The following BCL2L13 variants were observed in gnomAD, a reference collection of about 807,000 sequenced individuals.
BCL2L13 encodes the protein BCL2 like 13, also known as bcl-2-like protein 13.
Under a neutral mutation model 25.8 loss-of-function variants are expected in BCL2L13, and 13 were observed. The observed-to-expected ratio is 0.50, with a 90% CI of 0.33 to 0.80. The LOEUF is 0.80. BCL2L13 is among the 30% of genes least tolerant of loss of function. The pLI, the probability that BCL2L13 is intolerant of heterozygous loss-of-function variation, is 0.02. For missense variants in BCL2L13, 504 were observed against 574.9 expected (o/e 0.88, Z 1.26); for synonymous variants, 244 against 230.3 (o/e 1.06, Z -0.54).
chr22:17,654,167 G>A (rs1456788151), intron 1 of BCL2L13, among the ~76,000 whole-genome samples: 3 of 152,076 alleles, frequency 2.0e-5, no homozygotes, highest in Admixed American at 6.6e-5. Flanking sequence ...GTGCAGTGGC[G>A]TGATCATGGC....
Position 17,652,917 on chromosome 22 carries a change from T to G in BCL2L13, c.-50-2745T>G, listed in dbSNP as rs376114032. 9.2e-5 allele frequency among the ~76,000 whole-genome samples: 14 copies of G among 151,962 alleles called. No individual in the cohort carries two copies. The East Asian group carries it at 2.5e-3, about 28-fold the overall frequency. On this transcript the variant is annotated intron_variant, in intron 1 of 6. Coordinates refer to ENST00000317582, the MANE Select transcript of BCL2L13 (RefSeq NM_015367.4). Reference sequence around the variant, plus strand: ...GTCTCTACTAAAAAATACAAAAAATTAGCCGGGCGTGGTGGCGGGCACCTG... The same window carrying G: ...GTCTCTACTAAAAAATACAAAAAATGAGCCGGGCGTGGTGGCGGGCACCTG...
intron 6 of BCL2L13, among the ~76,000 whole-genome samples, chr22:17,713,469 T>TC (rs2145771907): frequency 6.6e-6 from 1 of 150,784 alleles, no homozygotes; most frequent in East Asian, 2.0e-4. Context: ...CATTTTTTTT[T>TC]TTTTTTTTTG....
Position 17,685,748 on chromosome 22 carries a change from T to TTTTTTC in BCL2L13, c.229+2439_229+2444dup, listed in dbSNP as rs1431770944. ...TGTGTGGACATATATTGCCCAATAA[T>TTTTTTC]TTTTTCTTTTTCTTTTTTTTTTTTT... On this transcript the variant is annotated intron_variant, in intron 3 of 6. Transcript: ENST00000317582. 8.7e-3 allele frequency among the ~76,000 whole-genome samples: 1,197 copies of TTTTTTC among 138,362 alleles called. 25 individuals carry two copies. The highest frequency in any genetic ancestry group is 0.015 in the African/African-American group (556 of 36,518). The allele number at this position is 138,362 out of a possible 152,430, so 90.8% of individuals were successfully genotyped here.
chr22:17,727,132 C>T lies in BCL2L13; in HGVS notation c.1056C>T (p.Thr352=), dbSNP rs2061321062. ...PAPLLPHITA[T]SLLGTREPDT... ...CCTTGCTTCCACATATCACTGCCAC[C>T]TCCCTGCTGGGGACAAGGGAACCTG... is the stretch of plus-strand genomic sequence containing the variant. The change falls in exon 7 of 7, where the codon ACC becomes ACT. Residue 352 remains threonine, a synonymous_variant. Coordinates refer to ENST00000317582, the MANE Select transcript of BCL2L13 (RefSeq NM_015367.4). 1.2e-6 allele frequency: 2 copies of T among 1,614,138 alleles called. No individual in the cohort carries two copies. Among genetic ancestry groups the T allele is most frequent in the African/African-American group, 2.7e-5 (2 of 74,944 alleles).
intron 2 of BCL2L13, among the ~76,000 whole-genome samples, chr22:17,673,909 A>G (rs890434479): frequency 1.3e-5 from 2 of 152,154 alleles, no homozygotes; most frequent in African/African-American, 2.4e-5. Context: ...TCATCTGTAC[A>G]TATAAATCTT....
At chr22:17,637,068 T>G (rs1253677614), upstream of BCL2L13, among the ~76,000 whole-genome samples, 1 of 149,992 alleles carries the variant, frequency 6.7e-6, no homozygotes, top group Admixed American at 6.6e-5. Flanking sequence ...AGGTCAGGAG[T>G]AGGAGACTAG....
chr22:17,635,738 C>A (rs929409458), upstream of BCL2L13, among the ~76,000 whole-genome samples: 1 of 151,548 alleles, frequency 6.6e-6, no homozygotes, highest in Non-Finnish European at 1.5e-5. Context: ...TAGACAGAGT[C>A]TCACTCTGTC....
At chr22:17,712,132 A>T (rs2060781377) in intron 6 of BCL2L13, among the ~76,000 whole-genome samples, 1 of 152,010 alleles carries the variant, frequency 6.6e-6, no homozygotes. Flanking sequence ...TATTTTTCGT[A>T]ACTCTGAAAT....
At chr22:17,697,376 T>C (rs1430181562) in intron 5 of BCL2L13, among the ~76,000 whole-genome samples, 6 of 152,052 alleles carry the variant, frequency 3.9e-5, no homozygotes. Context: ...AGTTGGAGGT[T>C]GTGGTGAGCC....
chr22:17,699,298 A>G (rs533478937), intron 5 of BCL2L13, among the ~76,000 whole-genome samples: 1 of 152,340 alleles, frequency 6.6e-6, no homozygotes, highest in Non-Finnish European at 1.5e-5. Context: ...AGAGCAAAAT[A>G]TGTCACTGTT....
At chr22:17,718,676 G>T (rs1449583906) in intron 6 of BCL2L13, among the ~76,000 whole-genome samples, 1 of 152,174 alleles carries the variant, frequency 6.6e-6, no homozygotes, top group African/African-American at 2.4e-5. Flanking sequence ...TCCATATGAG[G>T]AATGGCACTA....
In BCL2L13 at chr22:17,724,499, G is replaced by A. The variant is rs145023346; in HGVS notation, c.601-2178G>A. Reference sequence around the variant, plus strand: ...TAGAACATCCTTGATGCTTACCAGGGCCTCTGAAGTGGCTGGAGCAAGGGT... The same window carrying A: ...TAGAACATCCTTGATGCTTACCAGGACCTCTGAAGTGGCTGGAGCAAGGGT... On this transcript the variant is annotated intron_variant, in intron 6 of 6. Coordinates refer to ENST00000317582, the MANE Select transcript of BCL2L13 (RefSeq NM_015367.4). 1.6e-4 allele frequency among the ~76,000 whole-genome samples: 25 copies of A among 152,300 alleles called. No homozygotes were observed. The East Asian group carries it at 4.8e-3, about 29-fold the overall frequency.
intron 1 of BCL2L13, among the ~76,000 whole-genome samples, chr22:17,653,629 C>G (rs2058757322): frequency 6.6e-6 from 1 of 151,332 alleles, no homozygotes; most frequent in Non-Finnish European, 1.5e-5. Flanking sequence ...ATCAGCCTCC[C>G]AAGTAACTAG....
intron 5 of BCL2L13, among the ~76,000 whole-genome samples, chr22:17,701,704 T>C (rs2060440104): frequency 6.6e-6 from 1 of 152,118 alleles, no homozygotes; most frequent in Admixed American, 6.5e-5. Context: ...GGTGGGCAGA[T>C]CACTTGAGGC....
At chr22:17,663,699 T>TTTTTG (rs1414441204) in intron 2 of BCL2L13, among the ~76,000 whole-genome samples, 26 of 147,642 alleles carry the variant, frequency 1.8e-4, no homozygotes, top group Non-Finnish European at 2.5e-4. Flanking sequence ...TTTTTTTTTT[T>TTTTTG]TTGAGATGGA....
intron 6 of BCL2L13, among the ~76,000 whole-genome samples, chr22:17,705,935 TAGTC>T (rs1232292853): frequency 8.5e-5 from 13 of 152,308 alleles, no homozygotes; most frequent in African/African-American, 2.9e-4. Flanking sequence ...ATATAGCACA[TAGTC>T]AGTTAGGAAC....
intron 3 of BCL2L13, among the ~76,000 whole-genome samples, chr22:17,684,094 T>G (rs2059837164): frequency 6.6e-6 from 1 of 152,014 alleles, no homozygotes; most frequent in African/African-American, 2.4e-5. Flanking sequence ...GCACTGAACA[T>G]CTTACCCAAT....
intron 6 of BCL2L13, among the ~76,000 whole-genome samples, chr22:17,704,926 A>G (rs1311771873): frequency 6.6e-6 from 1 of 152,010 alleles, no homozygotes; most frequent in African/African-American, 2.4e-5. Context: ...AAACATAGTT[A>G]AACTGTACAT....
intron 6 of BCL2L13, among the ~76,000 whole-genome samples, chr22:17,721,937 G>A (rs2061147697): frequency 6.6e-6 from 1 of 152,196 alleles, no homozygotes; most frequent in African/African-American, 2.4e-5. Context: ...TGGGATTACA[G>A]GCATGAGCCA....
Sources: allele counts gnomAD v4.1 joint callset (sites outside exome capture counted in the v4.1 genomes callset), GRCh38; gene constraint gnomAD v4.1.1; transcripts MANE v1.5; gene names NCBI Gene and HGNC (gene_info 2026-07-23, HGNC 2026-07-21).